USP13: variants seen among roughly 807,000 people sequenced by gnomAD.
USP13 encodes the protein ubiquitin carboxyl-terminal hydrolase 13.
A neutral mutation model predicts 107.8 loss-of-function variants in USP13; 68 were observed. The observed-to-expected ratio is 0.63, with a 90% confidence interval of 0.52 to 0.77. The LOEUF is 0.77. USP13 is among the 30% of genes least tolerant of loss of function. USP13 has a pLI of 0.00. For missense variants in USP13, 945 were observed against 1,093.3 expected, an observed-to-expected ratio of 0.86 and a Z score of 1.91; for synonymous variants, 377 against 389.5, an observed-to-expected ratio of 0.97 and a Z score of 0.38.
intron 8 of USP13, among the ~76,000 whole-genome samples, chr3:179,729,541 G>T (rs1713719102): frequency 6.6e-6 from 1 of 152,080 alleles, no homozygotes; most frequent in Non-Finnish European, 1.5e-5. Flanking sequence ...GCATGATCTT[G>T]GCTCACTGCA....
intron 6 of USP13, 43 bp downstream of exon 6, chr3:179,709,000 C>A: frequency 6.3e-7 from 1 of 1,590,396 alleles, no homozygotes; most frequent in South Asian, 1.1e-5. Context: ...CAGTGGCTTC[C>A]TCTTAGATTT....
At chr3:179,728,905 G>GTACC (rs992388458) in intron 8 of USP13, among the ~76,000 whole-genome samples, 32 of 133,562 alleles carry the variant, frequency 2.4e-4, no homozygotes, top group African/African-American at 8.9e-4. Flanking sequence ...TCAGGCAGCA[G>GTACC]TACCGTCCAG....
At chr3:179,654,414 A>G (rs2108424668) in intron 1 of USP13, among the ~76,000 whole-genome samples, 1 of 152,180 alleles carries the variant, frequency 6.6e-6, no homozygotes, top group Non-Finnish European at 1.5e-5. Context: ...AATGAGGAGG[A>G]AGCTGAGAGG....
intron 1 of USP13, among the ~76,000 whole-genome samples, chr3:179,656,817 A>G (rs1393076113): frequency 6.6e-6 from 1 of 152,128 alleles, no homozygotes; most frequent in East Asian, 1.9e-4. Flanking sequence ...ACCTTCCTGG[A>G]GAGTGGGGAC....
chr3:179,752,446 C>CAACTACATGGGCTCTTT, intron 14 of USP13, 73 bp downstream of exon 14: 2 of 1,143,726 alleles, frequency 1.7e-6, no homozygotes, highest in African/African-American at 1.5e-5. Flanking sequence ...GTGAAAGAGC[C>CAACTACATGGGCTCTTT]CATGTAGTTG....
intron 8 of USP13, among the ~76,000 whole-genome samples, chr3:179,728,843 G>C (rs1351805503): frequency 6.6e-6 from 1 of 152,138 alleles, no homozygotes; most frequent in Non-Finnish European, 1.5e-5. Flanking sequence ...CCAGTCAGGC[G>C]TGGCGGCGCG....
At chr3:179,782,020 A>C (rs1271274985) in intron 20 of USP13, among the ~76,000 whole-genome samples, 197 bp downstream of exon 20, 1 of 151,876 alleles carries the variant, frequency 6.6e-6, no homozygotes, top group African/African-American at 2.4e-5. Context: ...TTAGCTAGTA[A>C]GTAGCTGTGT....
chr3:179,660,685 A>G (rs1720431922), intron 1 of USP13, among the ~76,000 whole-genome samples: 1 of 152,218 alleles, frequency 6.6e-6, no homozygotes, highest in East Asian at 1.9e-4. Context: ...ACTTCCCATC[A>G]TAATGTTTAC....
At chr3:179,781,468 C>CT (rs1196777855) in intron 19 of USP13, among the ~76,000 whole-genome samples, 1 of 152,134 alleles carries the variant, frequency 6.6e-6, no homozygotes, top group Non-Finnish European at 1.5e-5. Flanking sequence ...CCAGACCGGG[C>CT]TGTGGGATTT....
At chr3:179,680,569 CAG>C (rs1711616910) in intron 1 of USP13, among the ~76,000 whole-genome samples, 1 of 152,026 alleles carries the variant, frequency 6.6e-6, no homozygotes, top group Non-Finnish European at 1.5e-5. Flanking sequence ...TCCCCCAAGA[CAG>C]AGTCTTGCTT....
intron 3 of USP13, among the ~76,000 whole-genome samples, chr3:179,692,578 A>T (rs1712150655): frequency 6.6e-6 from 1 of 152,242 alleles, no homozygotes; most frequent in African/African-American, 2.4e-5. Flanking sequence ...TTTGGTTATT[A>T]GTCTTCCAGC....
In USP13 at chr3:179,708,833, C is replaced by T. The variant is rs1712818652; in HGVS notation, c.681C>T (p.Gly227=). Residue 227 remains glycine, a synonymous_variant, in exon 6 of 21, where the codon GGC becomes GGT. Transcript: ENST00000263966. ...RENLWLNLTD[G]SVLCGKWFFD... ...ACCTCTGGTTGAATCTGACTGACGG[C>T]TCTGTCCTGTGTGGAAAGTGGTTCT... 1.2e-6 allele frequency: 2 copies of T among 1,614,068 alleles called. No individual in the cohort carries two copies. Among genetic ancestry groups the T allele is most frequent in the African/African-American group, 1.3e-5 (1 of 74,922 alleles).
chr3:179,707,466 C>A (rs1158700009), intron 5 of USP13, among the ~76,000 whole-genome samples: 1 of 152,138 alleles, frequency 6.6e-6, no homozygotes, highest in Admixed American at 6.5e-5. Flanking sequence ...AGTTTTCTGC[C>A]CCTGCAGGTG....
At position 179,653,178 on chromosome 3, in the gene USP13, CGCTCCG is replaced by C. The variant is rs936479888; in HGVS notation, c.-37_-32del. ...GCGCCGCCGCCGCCGGCAGACCCCG[CGCTCCG>C]GCTCCGGCTCGGCTCGCTCGGCTCC... On this transcript the variant is annotated 5_prime_UTR_variant, in exon 1 of 21. Coordinates refer to ENST00000263966, the MANE Select transcript of USP13 (RefSeq NM_003940.3). This position sits in a 1 kb window ranked among gnomAD's most constrained non-coding sequence, Gnocchi z 4.0. 2.6e-6 allele frequency: 3 copies of C among 1,175,298 alleles called. No individual in the cohort carries two copies. The highest frequency in any genetic ancestry group is 3.2e-6 in the Non-Finnish European group (3 of 948,918). 72.8% of individuals were successfully genotyped at this position (1,175,298 alleles called of 1,614,324 possible). A position where few individuals can be genotyped will look rare whatever the true frequency, so the allele number is the denominator to read the frequency against.
chr3:179,691,060 T>A (rs1433506673), intron 3 of USP13, among the ~76,000 whole-genome samples: 1 of 151,800 alleles, frequency 6.6e-6, no homozygotes, highest in African/African-American at 2.4e-5. Flanking sequence ...TCTCAGTGAC[T>A]TGGGAGGCTG....
chr3:179,728,870 C>G (rs1022453932), intron 8 of USP13, among the ~76,000 whole-genome samples: 2 of 151,372 alleles, frequency 1.3e-5, no homozygotes, highest in Non-Finnish European at 2.9e-5. Context: ...CAATCGCAGG[C>G]AGTCGGCAGG....
rs35377039 is a variant in USP13, at chr3:179,657,762, CAAAAAAAAAAAA to C, written c.168+4382_168+4393del. 6.5e-3 allele frequency among the ~76,000 whole-genome samples: 483 copies of C among 73,874 alleles called. 6 individuals carry two copies. Among genetic ancestry groups the C allele is most frequent in the East Asian group, 0.026 (59 of 2,228 alleles). 48.5% of individuals were successfully genotyped at this position (73,874 alleles called of 152,430 possible). The stretch of plus-strand genomic sequence containing the variant: ...CTGGTGACAGAGGGGAATTCCGTCT[CAAAAAAAAAAAA>C]AAAAAAAAAAAAGAAAGAAAAAGAG... On this transcript the variant is annotated intron_variant, in intron 1 of 20. Transcript: ENST00000263966.
chr3:179,699,401 C>G (rs1416523496), intron 3 of USP13, among the ~76,000 whole-genome samples: 1 of 152,148 alleles, frequency 6.6e-6, no homozygotes, highest in South Asian at 2.1e-4. Context: ...CTGACTCTTA[C>G]AATTTAGAAT....
At chr3:179,773,649 A>C (rs1390513656) in intron 19 of USP13, among the ~76,000 whole-genome samples, 1 of 152,246 alleles carries the variant, frequency 6.6e-6, no homozygotes, top group Non-Finnish European at 1.5e-5. Context: ...TTAATGAGAG[A>C]ATCAGTCAGA....
Sources: gnomAD v4.1 joint callset for allele counts (sites outside exome capture counted in the v4.1 genomes callset) on GRCh38, gnomAD v4.1.1 for gene constraint, Gnocchi (gnomAD v3.1) non-coding constraint, MANE v1.5 for transcripts, NCBI Gene and HGNC (gene_info 2026-07-23, HGNC 2026-07-21) for gene names.